RUNX2: variants seen among roughly 807,000 people sequenced by gnomAD.
RUNX2 encodes RUNX family transcription factor 2.
A neutral mutation model predicts 51.7 loss-of-function variants in RUNX2; 10 were observed. That is an observed-to-expected ratio of 0.19 (90% confidence interval 0.12 to 0.33). RUNX2 has a LOEUF of 0.33. Among genes scored for constraint, RUNX2 ranks in the 10% least tolerant of loss-of-function variants. RUNX2 has a pLI of 1.00. For missense variants in RUNX2, 562 were observed against 691.3 expected, an observed-to-expected ratio of 0.81 and a Z score of 2.10; for synonymous variants, 276 against 273.6, an observed-to-expected ratio of 1.01 and a Z score of -0.09.
At chr6:45,430,975 TAATC>T (rs1010166556) in intron 3 of RUNX2, among the ~76,000 whole-genome samples, 2 of 152,232 alleles carry the variant, frequency 1.3e-5, no homozygotes, top group African/African-American at 4.8e-5. Flanking sequence ...GGCTCTGTGT[TAATC>T]AAAGGCACAC....
At chr6:45,340,749 G>A (rs2150131375) in intron 2 of RUNX2, among the ~76,000 whole-genome samples, 1 of 152,056 alleles carries the variant, frequency 6.6e-6, no homozygotes, top group East Asian at 1.9e-4. Context: ...ATATAATTTA[G>A]GGGTAAAAAA....
chr6:45,432,803 G>T (rs1488698451), intron 4 of RUNX2, among the ~76,000 whole-genome samples: 1 of 152,098 alleles, frequency 6.6e-6, no homozygotes, highest in Non-Finnish European at 1.5e-5. Context: ...TCTACAGAAA[G>T]ACTTTTACTA....
At chr6:45,437,920 G>C (rs1247939209) in intron 4 of RUNX2, 27 bp from the exon 5 acceptor site, 6 of 1,491,560 alleles carry the variant, frequency 4.0e-6, no homozygotes, top group South Asian at 1.1e-5. Context: ...AATATTCACT[G>C]TATATTTTCC....
intron 8 of RUNX2, 34 bp downstream of exon 8, chr6:45,545,316 G>GCTGGGCAGGT (rs1802365716): frequency 6.5e-7 from 1 of 1,542,444 alleles, no homozygotes; most frequent in Non-Finnish European, 8.8e-7. Flanking sequence ...GCTGGGCAGG[G>GCTGGGCAGGT]CTGGGCTGGG....
intron 7 of RUNX2, among the ~76,000 whole-genome samples, chr6:45,512,932 C>T (rs568276520): frequency 6.6e-6 from 1 of 152,206 alleles, no homozygotes; most frequent in African/African-American, 2.4e-5. Context: ...TCTTAAAAGA[C>T]AATGCGTGGC....
At chr6:45,361,752 C>G (rs1852986) in intron 2 of RUNX2, 63,435 of 152,036 alleles carry the variant, frequency 0.42, 13,982 homozygotes, top group Non-Finnish European at 0.5. Context: ...CCTTTCCTTT[C>G]AAATCTGTAA....
intron 5 of RUNX2, among the ~76,000 whole-genome samples, chr6:45,491,708 G>C (rs1800479852): frequency 7.5e-6 from 1 of 133,554 alleles, no homozygotes; most frequent in Non-Finnish European, 1.5e-5. Context: ...ACTTCAAGTT[G>C]TCCTCTGAGA....
intron 5 of RUNX2, among the ~76,000 whole-genome samples, chr6:45,485,178 T>C (rs1800231521): frequency 6.6e-6 from 1 of 151,314 alleles, no homozygotes; most frequent in Non-Finnish European, 1.5e-5. Flanking sequence ...CTTTTTCCTT[T>C]CTTTTCTTTC....
intron 5 of RUNX2, among the ~76,000 whole-genome samples, chr6:45,460,889 G>A (rs183106925): frequency 7.7e-4 from 117 of 152,280 alleles, no homozygotes; most frequent in Non-Finnish European, 1.3e-3. Flanking sequence ...TTAGAGGATA[G>A]TGTATAGTAA....
chr6:45,486,940 A>G (rs993249590), intron 5 of RUNX2, among the ~76,000 whole-genome samples: 3 of 152,182 alleles, frequency 2.0e-5, no homozygotes, highest in Non-Finnish European at 4.4e-5. Context: ...TTATAATGGT[A>G]GTATTACTAA....
intron 2 of RUNX2, among the ~76,000 whole-genome samples, chr6:45,407,241 C>T (rs1797855478): frequency 6.6e-6 from 1 of 152,032 alleles, no homozygotes; most frequent in Non-Finnish European, 1.5e-5. Context: ...GTAGCTGGCA[C>T]CACAGGCATG....
intron 2 of RUNX2, among the ~76,000 whole-genome samples, chr6:45,400,637 G>T (rs1797693984): frequency 6.6e-6 from 1 of 152,034 alleles, no homozygotes; most frequent in South Asian, 2.1e-4. Flanking sequence ...ATAAATTTGG[G>T]TTCTTCCCAT....
chr6:45,401,829 C>T (rs941679735), intron 2 of RUNX2, among the ~76,000 whole-genome samples: 7 of 152,206 alleles, frequency 4.6e-5, no homozygotes, highest in African/African-American at 1.4e-4. Flanking sequence ...GCCTTAGTGG[C>T]AGTTCAGATG....
At chr6:45,530,404 A>G (rs111674586) in intron 7 of RUNX2, among the ~76,000 whole-genome samples, 1 of 152,246 alleles carries the variant, frequency 6.6e-6, no homozygotes, top group African/African-American at 2.4e-5. Context: ...AAGTTCCAAC[A>G]AGTGTAACAA....
At chr6:45,420,670 A>G (rs1798160766) in intron 2 of RUNX2, among the ~76,000 whole-genome samples, 1 of 152,204 alleles carries the variant, frequency 6.6e-6, no homozygotes, top group Non-Finnish European at 1.5e-5. Flanking sequence ...GGAAGGCTTT[A>G]AAGAGTTTGG....
chr6:45,515,340 G>A (rs1801287448), intron 7 of RUNX2, among the ~76,000 whole-genome samples: 1 of 152,088 alleles, frequency 6.6e-6, no homozygotes, highest in South Asian at 2.1e-4. Context: ...TGTAAAATAG[G>A]CATACAATAT....
chr6:45,441,488 A>G lies in RUNX2; in HGVS notation c.685+3437A>G, dbSNP rs1798841059. ...ATCAGTTGCTGCAAGAATGTTAAAT[A>G]TTGTAATGTATGTAAAATGGGTAGC... On this transcript the variant is annotated intron_variant, in intron 5 of 8. Transcript: ENST00000647337. Among the ~76,000 whole-genome samples, 4 of 152,224 alleles carry G rather than the reference A, an allele frequency of 2.6e-5. No individual in the cohort carries two copies. In the South Asian group the frequency reaches 8.3e-4, roughly 31 times the overall value.
chr6:45,547,697 G>A lies in RUNX2; in HGVS notation c.*392G>A, dbSNP rs934709512. 3.9e-5 allele frequency: 12 copies of A among 307,198 alleles called. No homozygotes were observed. Among genetic ancestry groups the A allele is most frequent in the Non-Finnish European group, 1.3e-5 (2 of 159,600 alleles). 19.0% of individuals were successfully genotyped at this position (307,198 alleles called of 1,614,324 possible). On this transcript the variant is annotated 3_prime_UTR_variant, in exon 9 of 9. Coordinates refer to ENST00000647337, the MANE Select transcript of RUNX2 (RefSeq NM_001024630.4). ...AAGAGCAAAGCCGCTTCCTCTCTGT[G>A]CTTTGAAACTTCACACCCTCACGGT...
intron 5 of RUNX2, among the ~76,000 whole-genome samples, chr6:45,478,978 C>T (rs1800036328): frequency 6.6e-6 from 1 of 152,096 alleles, no homozygotes; most frequent in African/African-American, 2.4e-5. Flanking sequence ...ACCTCCACCT[C>T]CTGGGTTCAA....
Sources: gnomAD v4.1 joint callset for allele counts (sites outside exome capture counted in the v4.1 genomes callset) on GRCh38, gnomAD v4.1.1 for gene constraint, MANE v1.5 for transcripts, NCBI Gene and HGNC (gene_info 2026-07-23, HGNC 2026-07-21) for gene names.